Variants in CCDC77 observed in about 807,000 individuals in gnomAD.
CCDC77 encodes the protein coiled-coil domain-containing protein 77.
Under a neutral mutation model 66.8 loss-of-function variants are expected in CCDC77, and 56 were observed. That is an observed-to-expected ratio of 0.84 (90% CI 0.68 to 1.05). The LOEUF is 1.05. CCDC77 is among the 50% of genes least tolerant of loss of function. The pLI is 0.00. For missense variants in CCDC77, 570 were observed against 576.8 expected (o/e 0.99, Z 0.12); for synonymous variants, 196 against 195.2 (o/e 1.00, Z -0.03).
chr12:420,572 TAC>T (rs1382461376), intron 5 of CCDC77, among the ~76,000 whole-genome samples: 1 of 14,318 alleles, frequency 7.0e-5, no homozygotes, highest in Non-Finnish European at 1.1e-4. Flanking sequence ...GAGGGTAAAA[TAC>T]ACATAGCAGC....
chr12:402,085 A>G (rs1318608927), intron 1 of CCDC77, among the ~76,000 whole-genome samples: 1 of 152,232 alleles, frequency 6.6e-6, no homozygotes, highest in Non-Finnish European at 1.5e-5. Context: ...TCACGTGGCT[A>G]AAAGAAAAAA....
chr12:401,397 G>A (rs1012578405), upstream of CCDC77, among the ~76,000 whole-genome samples: 8 of 152,238 alleles, frequency 5.3e-5, no homozygotes, highest in Admixed American at 3.3e-4. Context: ...CACACTACCC[G>A]TCCCTGGAGG....
intron 2 of CCDC77, among the ~76,000 whole-genome samples, chr12:407,563 CTG>C (rs1259118838): frequency 6.6e-6 from 1 of 152,056 alleles, no homozygotes; most frequent in African/African-American, 2.4e-5. Flanking sequence ...CTATTTAAAA[CTG>C]TGAGACTTCA....
intron 3 of CCDC77, 149 bp downstream of exon 3, chr12:409,570 G>A (rs1945066468): frequency 4.3e-6 from 3 of 693,372 alleles, no homozygotes; most frequent in Admixed American, 2.5e-5. Context: ...AGGATGGGGT[G>A]CAGTGGTGCA....
At chr12:393,224 C>T (rs1361777134) in intron 1 of CCDC77, among the ~76,000 whole-genome samples, 5 of 152,182 alleles carry the variant, frequency 3.3e-5, no homozygotes, top group African/African-American at 1.2e-4. Context: ...AATCCTCCTG[C>T]CTCAGCCTCC....
At chr12:393,784 G>C (rs915961535) in intron 1 of CCDC77, among the ~76,000 whole-genome samples, 1 of 152,016 alleles carries the variant, frequency 6.6e-6, no homozygotes, top group Non-Finnish European at 1.5e-5. Context: ...CACCTGCCTC[G>C]GCCTCCCAAT....
chr12:423,482 T>G (rs1345848370), intron 5 of CCDC77, among the ~76,000 whole-genome samples: 14 of 33,904 alleles, frequency 4.1e-4, no homozygotes, highest in Middle Eastern at 0.015. Flanking sequence ...TTTTTGTGTT[T>G]TTTTTTGTTT....
chr12:403,631 T>A (rs1944937691), intron 1 of CCDC77, among the ~76,000 whole-genome samples: 1 of 152,224 alleles, frequency 6.6e-6, no homozygotes, highest in South Asian at 2.1e-4. Context: ...TAGCTGGGAC[T>A]ACAGGCACGT....
chr12:433,513 A>C, intron 9 of CCDC77, 191 bp downstream of exon 9: 8 of 1,353,866 alleles, frequency 5.9e-6, no homozygotes, highest in Non-Finnish European at 7.7e-6. Flanking sequence ...TGAAGAGCTG[A>C]TGAGTATTTC....
intron 9 of CCDC77, among the ~76,000 whole-genome samples, chr12:434,581 A>G (rs139658572): frequency 7.9e-5 from 12 of 151,820 alleles, no homozygotes; most frequent in East Asian, 7.8e-4. Flanking sequence ...AGAACTCCCA[A>G]TCTCTGGTGG....
intron 7 of CCDC77, among the ~76,000 whole-genome samples, 198 bp downstream of exon 7, chr12:430,934 G>A (rs537266004): frequency 6.6e-6 from 1 of 152,060 alleles, no homozygotes; most frequent in South Asian, 2.1e-4. Context: ...CAAAAAACTA[G>A]CCGGGTGTGG....
intron 5 of CCDC77, 123 bp downstream of exon 5, chr12:418,759 G>A: frequency 9.2e-7 from 1 of 1,083,178 alleles, no homozygotes. Flanking sequence ...GAGTACAGTG[G>A]CGCTCTCTTG....
rs1408066479 is a variant in CCDC77, at chr12:428,690, AGG to A, written c.414-77_414-76del. The stretch of plus-strand genomic sequence containing the variant: ...ACAATTGTTTTAAAAAAAAAATAGA[AGG>A]GAGATCCTTTAAACAGAAAAAGGTT... On this transcript the variant is annotated intron_variant, in intron 5 of 12. Transcript: ENST00000239830. 3.3e-6 allele frequency: 3 copies of A among 900,340 alleles called. No homozygotes were observed. The African/African-American group carries it at 5.2e-5, about 15-fold the overall frequency. The allele number at this position is 900,340 out of a possible 1,614,324, so 55.8% of individuals were successfully genotyped here. A position where few individuals can be genotyped will look rare whatever the true frequency, so the allele number is the denominator to read the frequency against.
chr12:414,567 T>TA (rs1288735522), intron 4 of CCDC77, among the ~76,000 whole-genome samples: 1 of 152,220 alleles, frequency 6.6e-6, no homozygotes, highest in East Asian at 1.9e-4. Context: ...TGATGACTGT[T>TA]AAATAACTAA....
chr12:433,023 A>G, intron 8 of CCDC77, 151 bp from the exon 9 acceptor site: 1 of 887,116 alleles, frequency 1.1e-6, no homozygotes, highest in Non-Finnish European at 1.8e-6. Context: ...ACAGAGCAAG[A>G]CCTTGTCTTG....
chr12:427,770 G>C (rs761696572), intron 5 of CCDC77, among the ~76,000 whole-genome samples: 4 of 152,064 alleles, frequency 2.6e-5, no homozygotes, highest in Non-Finnish European at 5.9e-5. Context: ...ACCACACCCG[G>C]CCCGAAATCC....
intron 7 of CCDC77, 68 bp from the exon 8 acceptor site, chr12:431,797 AC>A (rs1945657055): frequency 2.0e-6 from 2 of 981,382 alleles, no homozygotes; most frequent in Non-Finnish European, 3.2e-6. Flanking sequence ...CGTGGGAAAT[AC>A]TGATATTTCA....
At chr12:402,740 G>T (rs1427477101) in intron 1 of CCDC77, among the ~76,000 whole-genome samples, 1 of 152,230 alleles carries the variant, frequency 6.6e-6, no homozygotes, top group Non-Finnish European at 1.5e-5. Context: ...TTAAGGTGTT[G>T]TAATGGTGTG....
At chr12:418,243 G>A (rs1277515868) in intron 4 of CCDC77, among the ~76,000 whole-genome samples, 1 of 152,142 alleles carries the variant, frequency 6.6e-6, no homozygotes, top group African/African-American at 2.4e-5. Context: ...CACCTAGAAG[G>A]TGGAGGTTGC....
Sources: allele counts gnomAD v4.1 joint callset (sites outside exome capture counted in the v4.1 genomes callset), GRCh38; gene constraint gnomAD v4.1.1; transcripts MANE v1.5; gene names NCBI Gene and HGNC (gene_info 2026-07-23, HGNC 2026-07-21).